Variants in PLCB1 observed in about 807,000 individuals in gnomAD.
The protein encoded by PLCB1 is 1-phosphatidylinositol 4,5-bisphosphate phosphodiesterase beta-1.
A neutral mutation model predicts 161.8 loss-of-function variants in PLCB1; 46 were observed. The ratio of observed to expected loss-of-function variants is 0.28; its 90% CI spans 0.22 to 0.36. The LOEUF (loss-of-function observed/expected upper bound fraction) is 0.36. PLCB1 is among the 10% of genes least tolerant of loss of function. PLCB1 has a pLI of 1.00. For synonymous variants in PLCB1, 517 were observed against 503.7 expected (o/e 1.03, Z -0.35); for missense variants, 1,016 against 1,472.5 (o/e 0.69, Z 5.07).
At chr20:8,423,174 G>C (rs979006924) in intron 3 of PLCB1, among the ~76,000 whole-genome samples, 11 of 152,036 alleles carry the variant, frequency 7.2e-5, no homozygotes, top group Admixed American at 7.2e-4. Flanking sequence ...GTCATTGTCA[G>C]TTGCCCACCC....
intron 4 of PLCB1, among the ~76,000 whole-genome samples, chr20:8,634,550 G>C (rs534015984): frequency 3.4e-4 from 51 of 152,236 alleles, no homozygotes; most frequent in Admixed American, 7.8e-4. Context: ...TTAAGCCCTT[G>C]ACAGGTCTCA....
chr20:8,278,716 T>C (rs1394639652), intron 2 of PLCB1, among the ~76,000 whole-genome samples: 1 of 152,130 alleles, frequency 6.6e-6, no homozygotes, highest in Non-Finnish European at 1.5e-5. Context: ...CTTGGATGCA[T>C]GCTGGTAGGG....
intron 31 of PLCB1, among the ~76,000 whole-genome samples, chr20:8,833,801 G>A (rs892642387): frequency 2.0e-5 from 3 of 152,128 alleles, no homozygotes; most frequent in Non-Finnish European, 4.4e-5. Context: ...CGCTAACAAC[G>A]AATTCTGTTT....
chr20:8,778,324 C>T (rs1434360984), intron 27 of PLCB1, among the ~76,000 whole-genome samples: 1 of 152,118 alleles, frequency 6.6e-6, no homozygotes, highest in Non-Finnish European at 1.5e-5. Flanking sequence ...ACAAGAAAGT[C>T]ATGCAAAACC....
At chr20:8,333,067 G>A (rs1985427918) in intron 2 of PLCB1, among the ~76,000 whole-genome samples, 1 of 152,160 alleles carries the variant, frequency 6.6e-6, no homozygotes, top group Admixed American at 6.5e-5. Flanking sequence ...AATGTGAGGA[G>A]AAGTGATGTG....
chr20:8,658,209 C>T (rs1989518790), intron 8 of PLCB1, among the ~76,000 whole-genome samples: 1 of 152,094 alleles, frequency 6.6e-6, no homozygotes, highest in Admixed American at 6.6e-5. Context: ...CAAAAATTTA[C>T]TGTCATAATA....
intron 3 of PLCB1, among the ~76,000 whole-genome samples, chr20:8,398,172 A>G (rs1978375697): frequency 6.6e-6 from 1 of 152,142 alleles, no homozygotes; most frequent in Non-Finnish European, 1.5e-5. Context: ...TTACCTATGC[A>G]TGAAACTAAG....
At chr20:8,222,337 A>G in intron 2 of PLCB1, among the ~76,000 whole-genome samples, 2 of 152,138 alleles carry the variant, frequency 1.3e-5, no homozygotes, top group Middle Eastern at 6.8e-3. Context: ...CTTTTCCTTC[A>G]TTTCTAAATG....
intron 20 of PLCB1, among the ~76,000 whole-genome samples, chr20:8,738,241 T>A (rs1980685206): frequency 6.6e-6 from 1 of 152,248 alleles, no homozygotes; most frequent in South Asian, 2.1e-4. Context: ...GATGCAAAAG[T>A]CATTTGCTTT....
At position 8,883,374 on chromosome 20, in the gene PLCB1, C is replaced by T. The variant is rs572338542; in HGVS notation, c.*1525C>T. 6.6e-6 allele frequency: 1 copy of T among 151,830 alleles called. No homozygotes were observed. The highest frequency in any genetic ancestry group is 2.1e-4 in the South Asian group (1 of 4,800). 9.4% of individuals were successfully genotyped at this position (151,830 alleles called of 1,614,324 possible). A position where few individuals can be genotyped will look rare whatever the true frequency, so the allele number is the denominator to read the frequency against. ...CAAATTATATCAAGGTAAAACTGATCAAAAGCATAATTGAAAGTTCTGAAA... is the reference window on the plus strand; with the variant it reads ...CAAATTATATCAAGGTAAAACTGATTAAAAGCATAATTGAAAGTTCTGAAA... On this transcript the variant is annotated 3_prime_UTR_variant, in exon 32 of 32. Coordinates refer to ENST00000338037, the MANE Select transcript of PLCB1 (RefSeq NM_015192.4).
intron 2 of PLCB1, among the ~76,000 whole-genome samples, chr20:8,211,713 G>A (rs1351740965): frequency 6.6e-6 from 1 of 152,118 alleles, no homozygotes; most frequent in Non-Finnish European, 1.5e-5. Flanking sequence ...TTTTAGAGCA[G>A]AAGATGTATT....
At chr20:8,321,487 C>T (rs1984916555) in intron 2 of PLCB1, among the ~76,000 whole-genome samples, 1 of 151,858 alleles carries the variant, frequency 6.6e-6, no homozygotes, top group African/African-American at 2.4e-5. Flanking sequence ...TTCTTCCTGC[C>T]CTGGCAATTA....
At chr20:8,632,822 G>A (rs1044622749) in intron 4 of PLCB1, among the ~76,000 whole-genome samples, 3 of 152,190 alleles carry the variant, frequency 2.0e-5, no homozygotes, top group Non-Finnish European at 4.4e-5. Context: ...AGAGGGAACT[G>A]AGGAGGCAAC....
At chr20:8,545,147 A>T (rs1010437631) in intron 3 of PLCB1, among the ~76,000 whole-genome samples, 54 of 152,212 alleles carry the variant, frequency 3.5e-4, no homozygotes, top group African/African-American at 1.3e-3. Flanking sequence ...AAAAATAAAC[A>T]CTTGTCTCTC....
At chr20:8,766,330 G>A (rs978513992) in intron 26 of PLCB1, among the ~76,000 whole-genome samples, 3 of 152,210 alleles carry the variant, frequency 2.0e-5, no homozygotes. Flanking sequence ...AATGACTGGA[G>A]ATAGGAGATC....
At chr20:8,488,406 G>A (rs1328805187) in intron 3 of PLCB1, among the ~76,000 whole-genome samples, 1 of 152,054 alleles carries the variant, frequency 6.6e-6, no homozygotes, top group East Asian at 1.9e-4. Context: ...CTCCCTTACA[G>A]GTTTCCCCTA....
At chr20:8,812,732 T>C (rs946103163) in intron 31 of PLCB1, among the ~76,000 whole-genome samples, 3 of 152,090 alleles carry the variant, frequency 2.0e-5, no homozygotes, top group Non-Finnish European at 4.4e-5. Flanking sequence ...GAGCTGAAAA[T>C]GGGAAGGACA....
intron 11 of PLCB1, among the ~76,000 whole-genome samples, chr20:8,702,686 A>G (rs1487831726): frequency 6.6e-6 from 1 of 152,212 alleles, no homozygotes; most frequent in African/African-American, 2.4e-5. Context: ...TAGTGTTACA[A>G]GTCTCTGAAA....
intron 2 of PLCB1, among the ~76,000 whole-genome samples, chr20:8,330,006 T>C (rs954135063): frequency 6.6e-6 from 1 of 151,996 alleles, no homozygotes; most frequent in Non-Finnish European, 1.5e-5. Flanking sequence ...TAGGAGAAAA[T>C]AGGTAGGTGG....
Sources: gnomAD v4.1 joint callset for allele counts (sites outside exome capture counted in the v4.1 genomes callset) on GRCh38, gnomAD v4.1.1 for gene constraint, MANE v1.5 for transcripts, NCBI Gene and HGNC (gene_info 2026-07-23, HGNC 2026-07-21) for gene names.